Variants in STIM1 observed in about 807,000 individuals in gnomAD.
The protein encoded by STIM1 is stromal interaction molecule 1.
A neutral mutation model predicts 74.7 loss-of-function variants in STIM1; 25 were observed. The observed-to-expected ratio is 0.33, with a 90% CI of 0.24 to 0.47. The LOEUF is 0.47. Ranked by LOEUF, STIM1 falls within the 20% of genes least tolerant of loss-of-function variation. The pLI is 1.00. For missense variants in STIM1, 728 were observed against 920.8 expected (o/e 0.79, Z 2.71); for synonymous variants, 328 against 348.8 (o/e 0.94, Z 0.66).
intron 1 of STIM1, among the ~76,000 whole-genome samples, chr11:3,866,867 A>G (rs11030126): frequency 0.25 from 37,811 of 151,932 alleles, 5,008 homozygotes; most frequent in East Asian, 0.29. Context: ...AAAGAAATTA[A>G]AACTGTGCTT....
intron 1 of STIM1, among the ~76,000 whole-genome samples, chr11:3,906,128 C>T (rs1217414206): frequency 6.6e-6 from 1 of 152,194 alleles, no homozygotes; most frequent in South Asian, 2.1e-4. Context: ...GCTTCCAGGC[C>T]CAGAGGGGCT....
chr11:3,971,907 T>G lies in STIM1; in HGVS notation c.270+4225T>G, dbSNP rs557646266. ...CCTAATATTAAACATAAAAACCACA[T>G]GGGAAATATAGATATTCAAGTAGAA... On this transcript the variant is annotated intron_variant, in intron 2 of 12. Transcript: ENST00000526596. 4.6e-5 allele frequency among the ~76,000 whole-genome samples: 7 copies of G among 152,210 alleles called. No individual in the cohort carries two copies. The East Asian group carries it at 1.4e-3, about 29-fold the overall frequency.
In STIM1 at chr11:3,954,572, A is replaced by G. The variant is rs140112991; in HGVS notation, c.140-12980A>G. On this transcript the variant is annotated intron_variant, in intron 1 of 12. Coordinates refer to ENST00000526596, the MANE Select transcript of STIM1 (RefSeq NM_001382567.1). ...AAAATATAGGTTGTTTTGAGAATGT[A>G]TAATGTGGGCCTAAACCAGTTTGGG... 4.7e-3 allele frequency among the ~76,000 whole-genome samples: 711 copies of G among 152,340 alleles called. 4 individuals are homozygous for G. Among genetic ancestry groups the G allele is most frequent in the African/African-American group, 0.016 (677 of 41,574 alleles).
intron 2 of STIM1, among the ~76,000 whole-genome samples, chr11:4,015,227 C>G (rs2093884224): frequency 1.3e-5 from 2 of 152,166 alleles, no homozygotes; most frequent in South Asian, 4.1e-4. Flanking sequence ...TTCAGGAGCT[C>G]TTGTAAGGCA....
chr11:4,059,853 C>T (rs939813073), intron 5 of STIM1, among the ~76,000 whole-genome samples: 5 of 152,150 alleles, frequency 3.3e-5, no homozygotes, highest in African/African-American at 1.2e-4. Context: ...AGCAAGAGTA[C>T]AAAAGCTAAA....
chr11:4,061,459 A>G (rs2094330139), intron 5 of STIM1, among the ~76,000 whole-genome samples: 1 of 152,250 alleles, frequency 6.6e-6, no homozygotes, highest in South Asian at 2.1e-4. Context: ...ACTGACTGGG[A>G]TACTTATAAT....
At chr11:4,013,925 T>G (rs2093868794) in intron 2 of STIM1, among the ~76,000 whole-genome samples, 2 of 151,946 alleles carry the variant, frequency 1.3e-5, no homozygotes, top group Non-Finnish European at 2.9e-5. Context: ...GCCAGGATGG[T>G]CTCGATCTCC....
At chr11:4,083,594 GAT>G (rs2133227656) in intron 10 of STIM1, 96 bp downstream of exon 10, 1 of 1,165,176 alleles carries the variant, frequency 8.6e-7, no homozygotes, top group East Asian at 2.6e-5. Context: ...AGATGGGGCA[GAT>G]ACCCAGGAAG....
intron 1 of STIM1, among the ~76,000 whole-genome samples, chr11:3,923,349 C>G (rs932067669): frequency 6.6e-6 from 1 of 152,138 alleles, no homozygotes; most frequent in African/African-American, 2.4e-5. Context: ...TGGCTCATGG[C>G]TGTAATCCCA....
rs79462088 is a variant in STIM1, at chr11:3,957,656, G to C, written c.140-9896G>C. Among the ~76,000 whole-genome samples, 173 of 151,976 alleles carry C rather than the reference G, an allele frequency of 1.1e-3. 1 individual carries two copies. Among genetic ancestry groups the C allele is most frequent in the African/African-American group, 4.0e-3 (165 of 41,452 alleles). On this transcript the variant is annotated intron_variant, in intron 1 of 12. Coordinates refer to ENST00000526596, the MANE Select transcript of STIM1 (RefSeq NM_001382567.1). ...GACACAGCCTGAAACTCCTGGACTC[G>C]AGCAGTCCTCCATTTCAGCCTCCCA...
intron 1 of STIM1, among the ~76,000 whole-genome samples, chr11:3,910,638 T>C (rs1280707995): frequency 6.6e-6 from 1 of 152,124 alleles, no homozygotes; most frequent in East Asian, 1.9e-4. Flanking sequence ...ACTGAATTGT[T>C]CACTTAAAAA....
At chr11:3,857,141 A>G (rs1335845927) in intron 1 of STIM1, among the ~76,000 whole-genome samples, 1 of 113,498 alleles carries the variant, frequency 8.8e-6, no homozygotes, top group Non-Finnish European at 1.7e-5. Context: ...TCTGCTTGCT[A>G]GGGAAACCAT....
chr11:3,878,431 A>G (rs2091376522), intron 1 of STIM1, among the ~76,000 whole-genome samples: 1 of 152,158 alleles, frequency 6.6e-6, no homozygotes, highest in Non-Finnish European at 1.5e-5. Flanking sequence ...ATTATTTATC[A>G]TGTGCCTGAA....
intron 1 of STIM1, among the ~76,000 whole-genome samples, chr11:3,868,996 T>C (rs901801069): frequency 1.3e-5 from 2 of 151,964 alleles, no homozygotes; most frequent in African/African-American, 4.8e-5. Context: ...TTTGACCGAG[T>C]CTCACTCTGT....
At chr11:3,990,795 TTTA>T (rs1468109416) in intron 2 of STIM1, among the ~76,000 whole-genome samples, 1 of 152,236 alleles carries the variant, frequency 6.6e-6, no homozygotes, top group African/African-American at 2.4e-5. Flanking sequence ...TATTTTATTT[TTTA>T]TTATTTAAAA....
At chr11:4,071,020 A>G (rs1004895098) in intron 6 of STIM1, among the ~76,000 whole-genome samples, 2 of 152,220 alleles carry the variant, frequency 1.3e-5, no homozygotes, top group Non-Finnish European at 2.9e-5. Flanking sequence ...ATGTCTAGAA[A>G]GACAAAGAGG....
chr11:4,018,482 A>C (rs1430472148), intron 2 of STIM1, among the ~76,000 whole-genome samples: 33 of 149,016 alleles, frequency 2.2e-4, no homozygotes, highest in African/African-American at 7.8e-4. Context: ...AAAAAAAAAA[A>C]AAAACAAACA....
intron 3 of STIM1, among the ~76,000 whole-genome samples, chr11:4,035,406 C>T (rs2094090777): frequency 6.6e-6 from 1 of 151,790 alleles, no homozygotes; most frequent in Non-Finnish European, 1.5e-5. Flanking sequence ...ACTTAGTATC[C>T]CTTAATAATA....
chr11:3,894,779 C>T (rs1001027230), intron 1 of STIM1, among the ~76,000 whole-genome samples: 1 of 152,052 alleles, frequency 6.6e-6, no homozygotes, highest in African/African-American at 2.4e-5. Context: ...CGATTTGTTG[C>T]CCAGGCTGGA....
Sources: gnomAD v4.1 joint callset for allele counts (sites outside exome capture counted in the v4.1 genomes callset) on GRCh38, gnomAD v4.1.1 for gene constraint, MANE v1.5 for transcripts, NCBI Gene and HGNC (gene_info 2026-07-23, HGNC 2026-07-21) for gene names.